CDK8: variants seen among roughly 807,000 people sequenced by gnomAD.
CDK8 encodes the protein cyclin-dependent kinase 8.
CDK8 carries 29 observed loss-of-function variants against 71.5 expected under a neutral mutation model. That is an observed-to-expected ratio of 0.41 (90% CI 0.30 to 0.55). The LOEUF (loss-of-function observed/expected upper bound fraction) is 0.55, where lower values mean the gene tolerates loss of function less well. Among genes scored for constraint, CDK8 ranks in the 20% least tolerant of loss-of-function variants. The probability of loss-of-function intolerance (pLI) is 0.37; values close to 1 mark genes in which losing one functional copy is unlikely to be tolerated. For missense variants in CDK8, 288 were observed against 572.6 expected, an observed-to-expected ratio of 0.50 and a Z score of 5.07; for synonymous variants, 161 against 192.1, an observed-to-expected ratio of 0.84 and a Z score of 1.34.
intron 2 of CDK8, among the ~76,000 whole-genome samples, chr13:26,346,605 C>G (rs1254203208): frequency 2.0e-5 from 3 of 152,142 alleles, no homozygotes; most frequent in Non-Finnish European, 4.4e-5. Context: ...CCAGGATTAC[C>G]ACAAAGTCTA....
In CDK8 at chr13:26,382,831, A is replaced by G; in HGVS notation, c.474A>G (p.Leu158=). ...LHRDLKPANI[L]VMGEGPERGR... is the part of the protein sequence containing the mutation. ...TTCCACAGAAACCTGCTAATATTTT[A>G]GTTATGGGTGAAGGTCCTGAGCGAG... The change falls in exon 5 of 13, where the codon TTA becomes TTG. Residue 158 remains leucine (L), a synonymous_variant. Coordinates refer to ENST00000381527, the MANE Select transcript of CDK8 (RefSeq NM_001260.3). 3.7e-6 allele frequency: 6 copies of G among 1,602,370 alleles called. No homozygotes were observed. The highest frequency in any genetic ancestry group is 5.1e-6 in the Non-Finnish European group (6 of 1,175,262).
At chr13:26,372,752 C>T (rs779402843) in intron 4 of CDK8, among the ~76,000 whole-genome samples, 2 of 152,172 alleles carry the variant, frequency 1.3e-5, no homozygotes, top group African/African-American at 4.8e-5. Flanking sequence ...TGAGGCCTTT[C>T]TGGCCTTAGT....
intron 5 of CDK8, among the ~76,000 whole-genome samples, chr13:26,383,919 G>T (rs1321191468): frequency 6.6e-6 from 1 of 152,168 alleles, no homozygotes; most frequent in African/African-American, 2.4e-5. Context: ...CAAAATGCCT[G>T]TTAAGTCTTT....
At chr13:26,356,802 A>G (rs1231553514) in intron 4 of CDK8, among the ~76,000 whole-genome samples, 7 of 152,196 alleles carry the variant, frequency 4.6e-5, no homozygotes, top group Non-Finnish European at 1.0e-4. Context: ...TGTTACTTGC[A>G]TATGAAATAT....
chr13:26,267,569 G>A (rs191264478), intron 1 of CDK8, among the ~76,000 whole-genome samples: 1 of 152,154 alleles, frequency 6.6e-6, no homozygotes, highest in East Asian at 1.9e-4. Context: ...ATGCATGACC[G>A]TGGAAAAAAA....
chr13:26,335,920 T>TAATAACAACAACAAC (rs370234816), intron 1 of CDK8, among the ~76,000 whole-genome samples: 1 of 149,976 alleles, frequency 6.7e-6, no homozygotes, highest in African/African-American at 2.5e-5. Flanking sequence ...TTCTCTTGCT[T>TAATAACAACAACAAC]AACAACAACA....
chr13:26,352,786 T>TC (rs1466535763), intron 3 of CDK8, among the ~76,000 whole-genome samples: 1 of 152,250 alleles, frequency 6.6e-6, no homozygotes, highest in Non-Finnish European at 1.5e-5. Context: ...CCTTTATTCA[T>TC]TAATCATTAG....
intron 12 of CDK8, 113 bp from the exon 13 acceptor site, chr13:26,403,843 C>T: frequency 3.0e-6 from 4 of 1,332,156 alleles, no homozygotes; most frequent in Non-Finnish European, 4.2e-6. Context: ...GTACATAGCA[C>T]AAAACCTATA....
At chr13:26,271,905 G>T (rs1872344419) in intron 1 of CDK8, among the ~76,000 whole-genome samples, 1 of 141,428 alleles carries the variant, frequency 7.1e-6, no homozygotes, top group Non-Finnish European at 1.5e-5. Flanking sequence ...GAACTTACAG[G>T]TCTAGAAGTT....
In CDK8 at chr13:26,335,330, T is replaced by A. The variant is rs1426379578; in HGVS notation, c.129-2237T>A. 2.0e-5 allele frequency among the ~76,000 whole-genome samples: 3 copies of A among 152,186 alleles called. No individual in the cohort carries two copies. The East Asian group carries it at 5.8e-4, about 29-fold the overall frequency. ...CAGTAGATACTTTACAATTCTTACC[T>A]CACTAGACCTCTCTGCAGATTTTTG... is the stretch of plus-strand genomic sequence containing the variant. On this transcript the variant is annotated intron_variant, in intron 1 of 12. Transcript: ENST00000381527.
At chr13:26,329,808 A>G (rs1175717) in intron 1 of CDK8, among the ~76,000 whole-genome samples, 126,060 of 152,076 alleles carry the variant, frequency 0.83, 53,948 homozygotes, top group East Asian at 0.99. Flanking sequence ...CCGGCCGCCT[A>G]TTTCTAAAAT....
At chr13:26,294,231 A>G (rs890601097) in intron 1 of CDK8, among the ~76,000 whole-genome samples, 1 of 151,992 alleles carries the variant, frequency 6.6e-6, no homozygotes, top group Non-Finnish European at 1.5e-5. Context: ...TCCTGCGCTC[A>G]AGCAGTCTCC....
chr13:26,404,165 A>T lies in CDK8; in HGVS notation c.*84A>T, dbSNP rs1876404590. The T allele has an allele frequency of 1.3e-6, 2 of 1,488,766 alleles. No homozygotes were observed. Among genetic ancestry groups the T allele is most frequent in the African/African-American group, 1.4e-5 (1 of 72,698 alleles). The allele number at this position is 1,488,766 out of a possible 1,614,324, so 92.2% of individuals were successfully genotyped here. A position where few individuals can be genotyped will look rare whatever the true frequency, so the allele number is the denominator to read the frequency against. On this transcript the variant is annotated 3_prime_UTR_variant, in exon 13 of 13. Transcript: ENST00000381527. ...TCTCTGCGGGAACCTGGTATGGGCC[A>T]TGAGAATGTACTGTACAACCACATC... is the stretch of plus-strand genomic sequence containing the variant.
intron 1 of CDK8, among the ~76,000 whole-genome samples, chr13:26,271,303 T>G (rs1366005164): frequency 6.6e-6 from 1 of 152,138 alleles, no homozygotes; most frequent in Non-Finnish European, 1.5e-5. Context: ...AGTTTATGAT[T>G]GTGTGAACAT....
chr13:26,255,185 C>G (rs1309313655), intron 1 of CDK8, among the ~76,000 whole-genome samples: 1 of 151,878 alleles, frequency 6.6e-6, no homozygotes, highest in African/African-American at 2.4e-5. Flanking sequence ...AGAAGGAAGG[C>G]TGTGATCCTT....
At chr13:26,400,876 C>T (rs1253315878) in intron 10 of CDK8, among the ~76,000 whole-genome samples, 1 of 152,052 alleles carries the variant, frequency 6.6e-6, no homozygotes, top group African/African-American at 2.4e-5. Flanking sequence ...CAAATATTCC[C>T]AAATGTGTTC....
At chr13:26,295,063 GTTC>G (rs1873484736) in intron 1 of CDK8, among the ~76,000 whole-genome samples, 1 of 152,016 alleles carries the variant, frequency 6.6e-6, no homozygotes, top group Non-Finnish European at 1.5e-5. Context: ...GTGTTTTAAT[GTTC>G]TTCTTTGTGC....
At chr13:26,393,811 A>G (rs1457217485) in intron 7 of CDK8, among the ~76,000 whole-genome samples, 1 of 152,194 alleles carries the variant, frequency 6.6e-6, no homozygotes, top group Non-Finnish European at 1.5e-5. Flanking sequence ...TCTGTATTAA[A>G]AAGGTACCTT....
chr13:26,323,356 A>T (rs1874879237), intron 1 of CDK8, among the ~76,000 whole-genome samples: 1 of 150,174 alleles, frequency 6.7e-6, no homozygotes, highest in Non-Finnish European at 1.5e-5. Context: ...GGAGAGGGAG[A>T]GGGAGAGGGA....
Sources: gnomAD v4.1 joint callset for allele counts (sites outside exome capture counted in the v4.1 genomes callset) on GRCh38, gnomAD v4.1.1 for gene constraint, MANE v1.5 for transcripts, NCBI Gene and HGNC (gene_info 2026-07-23, HGNC 2026-07-21) for gene names.